KCNK13: variants seen among roughly 807,000 people sequenced by gnomAD.
KCNK13 encodes the protein potassium channel subfamily K member 13.
A neutral mutation model predicts 23.4 loss-of-function variants in KCNK13; 12 were observed. That is an observed-to-expected ratio of 0.51 (90% CI 0.33 to 0.83). The LOEUF is 0.83. Ranked by LOEUF, KCNK13 falls within the 40% of genes least tolerant of loss-of-function variation. The pLI, the probability that KCNK13 is intolerant of heterozygous loss-of-function variation, is 0.02. For synonymous variants in KCNK13, 231 were observed against 229.5 expected (o/e 1.01, Z -0.06); for missense variants, 463 against 556.3 (o/e 0.83, Z 1.69).
At chr14:90,122,325 T>C (rs1342953130) in intron 1 of KCNK13, among the ~76,000 whole-genome samples, 2 of 151,830 alleles carry the variant, frequency 1.3e-5, no homozygotes, top group African/African-American at 4.8e-5. Flanking sequence ...CCATAATTTT[T>C]TTTTTTTTTT....
chr14:90,145,257 G>A (rs2140430392), intron 1 of KCNK13, among the ~76,000 whole-genome samples: 1 of 152,172 alleles, frequency 6.6e-6, no homozygotes, highest in Non-Finnish European at 1.5e-5. Context: ...GCCAGGTGTG[G>A]TGGTGCGCGC....
chr14:90,086,306 C>T (rs1000131874), intron 1 of KCNK13, among the ~76,000 whole-genome samples: 31 of 152,146 alleles, frequency 2.0e-4, no homozygotes, highest in African/African-American at 6.5e-4. Context: ...AAACTTTCAT[C>T]CTATGGGGTA....
chr14:90,092,893 CAG>C (rs1889365086), intron 1 of KCNK13, among the ~76,000 whole-genome samples: 1 of 118,184 alleles, frequency 8.5e-6, no homozygotes, highest in African/African-American at 3.4e-5. Flanking sequence ...GCCTGGATGA[CAG>C]AGTGAGACCC....
In KCNK13 at chr14:90,113,655, G is replaced by A. The variant is rs184406329; in HGVS notation, c.334+51116G>A. On this transcript the variant is annotated intron_variant, in intron 1 of 1. Coordinates refer to ENST00000282146, the MANE Select transcript of KCNK13 (RefSeq NM_022054.4). ...ATATTAGAAGAAACTGAGAGAGGCC[G>A]GGCACGGTGGCTCATGCCTGTAATC... 6.4e-4 allele frequency among the ~76,000 whole-genome samples: 97 copies of A among 152,198 alleles called. No homozygotes were observed. In the East Asian group the frequency reaches 0.016, roughly 25 times the overall value.
chr14:90,140,793 T>C (rs550139187), intron 1 of KCNK13, among the ~76,000 whole-genome samples: 1 of 152,274 alleles, frequency 6.6e-6, no homozygotes, highest in Admixed American at 6.5e-5. Flanking sequence ...CAAAGGTCAT[T>C]GTCTCCCCGG....
At chr14:90,065,886 A>G (rs1443485892) in intron 1 of KCNK13, among the ~76,000 whole-genome samples, 1 of 152,220 alleles carries the variant, frequency 6.6e-6, no homozygotes, top group African/African-American at 2.4e-5. Flanking sequence ...ATTTGGTTTC[A>G]GGCTTCATGG....
chr14:90,102,244 G>A (rs1417746155), intron 1 of KCNK13, among the ~76,000 whole-genome samples: 3 of 152,020 alleles, frequency 2.0e-5, no homozygotes, highest in African/African-American at 7.2e-5. Context: ...AGATCTATAC[G>A]GGCTCCAGGA....
intron 1 of KCNK13, among the ~76,000 whole-genome samples, chr14:90,130,697 C>T (rs1370403800): frequency 1.3e-5 from 2 of 151,958 alleles, no homozygotes; most frequent in Non-Finnish European, 2.9e-5. Context: ...ATCTGTAAGC[C>T]CAGCTACTTG....
intron 1 of KCNK13, among the ~76,000 whole-genome samples, chr14:90,064,728 C>T (rs1331046882): frequency 6.6e-6 from 1 of 152,164 alleles, no homozygotes; most frequent in Non-Finnish European, 1.5e-5. Context: ...CTTGTAAGTG[C>T]GTGCGTGTTA....
intron 1 of KCNK13, among the ~76,000 whole-genome samples, chr14:90,149,050 G>T (rs1344541375): frequency 6.6e-6 from 1 of 152,134 alleles, no homozygotes; most frequent in Non-Finnish European, 1.5e-5. Flanking sequence ...CTAAGACTGG[G>T]TAATTTATAA....
chr14:90,062,342 A>G lies in KCNK13; in HGVS notation c.137A>G (p.Glu46Gly), dbSNP rs1271125192. Residue 46 changes from glutamate (E) to glycine (G), a missense_variant, in exon 1 of 2, where the codon GAG becomes GGG. By Grantham distance (98) the Glu-to-Gly change is moderately conservative (BLOSUM62 -2). This residue lies in a region of KCNK13 where 153 missense variants were observed against 153.6 expected (regional missense o/e 1.00). Transcript: ENST00000282146. The surrounding 1 kb of genome is among the most constrained non-coding windows in gnomAD (Gnocchi z 4.5). ...AVFSALELAH[E>G]RQAKQRWEER... Reference sequence around the variant, plus strand: ...TTCTCCGCGCTGGAGCTGGCGCACGAGCGCCAGGCCAAGCAGCGCTGGGAG... The same window carrying G: ...TTCTCCGCGCTGGAGCTGGCGCACGGGCGCCAGGCCAAGCAGCGCTGGGAG... 1 of 1,556,224 alleles carries G rather than the reference A, an allele frequency of 6.4e-7. No individual in the cohort carries two copies. The highest frequency in any genetic ancestry group is 8.7e-7 in the Non-Finnish European group (1 of 1,154,752).
At chr14:90,078,969 G>T (rs536036485) in intron 1 of KCNK13, among the ~76,000 whole-genome samples, 1 of 152,348 alleles carries the variant, frequency 6.6e-6, no homozygotes, top group Admixed American at 6.5e-5. Flanking sequence ...GCCCTGAAAA[G>T]TAGCGAAAGC....
chr14:90,153,933 C>T (rs534743969), intron 1 of KCNK13, among the ~76,000 whole-genome samples: 3 of 152,284 alleles, frequency 2.0e-5, no homozygotes, highest in Non-Finnish European at 2.9e-5. Flanking sequence ...TCTGTCCTGG[C>T]GTCACCAGGT....
chr14:90,077,345 T>A (rs1303834714), intron 1 of KCNK13, among the ~76,000 whole-genome samples: 1 of 151,784 alleles, frequency 6.6e-6, no homozygotes, highest in Non-Finnish European at 1.5e-5. Context: ...GGTCTCGAAC[T>A]CCTGGCCTCA....
chr14:90,099,903 C>T (rs1020421729), intron 1 of KCNK13, among the ~76,000 whole-genome samples: 3 of 152,140 alleles, frequency 2.0e-5, no homozygotes, highest in African/African-American at 7.2e-5. Context: ...CAAATTTGTG[C>T]TTATTTGGTT....
intron 1 of KCNK13, among the ~76,000 whole-genome samples, chr14:90,126,244 A>G (rs1285871100): frequency 1.3e-5 from 2 of 152,120 alleles, no homozygotes; most frequent in Non-Finnish European, 2.9e-5. Flanking sequence ...GAAGTGGGCC[A>G]TGAACTCCCC....
chr14:90,094,868 C>T (rs565080792), intron 1 of KCNK13, among the ~76,000 whole-genome samples: 56 of 152,070 alleles, frequency 3.7e-4, no homozygotes, highest in African/African-American at 1.3e-3. Flanking sequence ...AGGATGGTCT[C>T]GATCTCCTGA....
chr14:90,087,166 T>TTTTTA (rs1353467304), intron 1 of KCNK13, among the ~76,000 whole-genome samples: 6 of 142,900 alleles, frequency 4.2e-5, no homozygotes, highest in African/African-American at 1.3e-4. Context: ...TTTTTTTTTT[T>TTTTTA]ATTGAGATGG....
Position 90,062,330 on chromosome 14 carries a change from A to G in KCNK13, c.125A>G (p.Glu42Gly). The change falls in exon 1 of 2, where the codon GAG becomes GGG. Residue 42 changes from glutamate (E) to glycine (G), a missense_variant. Around this residue, in one of 3 missense-constraint regions of KCNK13, gnomAD observed 153 missense variants for 153.6 expected, o/e 1.00. Transcript: ENST00000282146. This position sits in a 1 kb window ranked among gnomAD's most constrained non-coding sequence, Gnocchi z 4.5. ...GGCGCCGCCGTCTTCTCCGCGCTGGAGCTGGCGCACGAGCGCCAGGCCAAG... is the reference window on the plus strand; with the variant it reads ...GGCGCCGCCGTCTTCTCCGCGCTGGGGCTGGCGCACGAGCGCCAGGCCAAG... ...LGGAAVFSALELAHERQAKQR... is the reference protein window; with the variant it reads ...LGGAAVFSALGLAHERQAKQR... 1.3e-6 allele frequency: 2 copies of G among 1,555,422 alleles called. No homozygotes were observed. The highest frequency in any genetic ancestry group is 1.7e-6 in the Non-Finnish European group (2 of 1,155,794).
Sources: gnomAD v4.1 joint callset for allele counts (sites outside exome capture counted in the v4.1 genomes callset) on GRCh38, gnomAD v4.1.1 for gene constraint, gnomAD v4.1.1 regional missense constraint, Gnocchi (gnomAD v3.1) non-coding constraint, MANE v1.5 for transcripts, NCBI Gene and HGNC (gene_info 2026-07-23, HGNC 2026-07-21) for gene names.